STXBP5L: variants seen among roughly 807,000 people sequenced by gnomAD.
STXBP5L encodes syntaxin binding protein 5L, also known as syntaxin-binding protein 5-like.
In STXBP5L, 65 loss-of-function variants were observed where a neutral mutation model predicts 144.5. The ratio of observed to expected loss-of-function variants is 0.45; its 90% confidence interval spans 0.37 to 0.55. STXBP5L has a LOEUF of 0.55. Among genes scored for constraint, STXBP5L ranks in the 20% least tolerant of loss-of-function variants. The pLI, the probability that STXBP5L is intolerant of heterozygous loss-of-function variation, is 0.00. For synonymous variants in STXBP5L, 505 were observed against 469.6 expected (o/e 1.08, Z -0.97); for missense variants, 1,298 against 1,405.5 (o/e 0.92, Z 1.22).
intron 3 of STXBP5L, among the ~76,000 whole-genome samples, chr3:120,995,445 G>T (rs759946021): frequency 6.6e-6 from 1 of 152,078 alleles, no homozygotes; most frequent in Non-Finnish European, 1.5e-5. Flanking sequence ...ACCACACCTG[G>T]CTGTTTCCTG....
At chr3:121,050,142 G>T (rs1244248283) in intron 5 of STXBP5L, among the ~76,000 whole-genome samples, 2 of 152,098 alleles carry the variant, frequency 1.3e-5, no homozygotes, top group Non-Finnish European at 2.9e-5. Flanking sequence ...GGATGTTCTG[G>T]TTGAAGAGCT....
intron 20 of STXBP5L, among the ~76,000 whole-genome samples, chr3:121,319,886 G>A (rs910083056): frequency 1.3e-5 from 2 of 152,134 alleles, no homozygotes; most frequent in Admixed American, 6.5e-5. Context: ...GGAGGCCAAG[G>A]GGGGAGGATC....
At chr3:121,053,851 C>T (rs1465903977) in intron 5 of STXBP5L, among the ~76,000 whole-genome samples, 1 of 151,750 alleles carries the variant, frequency 6.6e-6, no homozygotes, top group Admixed American at 6.6e-5. Context: ...TGACAAAGGG[C>T]TAATATCCAG....
intron 20 of STXBP5L, among the ~76,000 whole-genome samples, chr3:121,355,111 C>T (rs1242671556): frequency 6.6e-6 from 1 of 152,208 alleles, no homozygotes; most frequent in East Asian, 1.9e-4. Context: ...TCTCTGGCTG[C>T]CCTTAACATT....
At chr3:121,372,543 T>G (rs979643750) in intron 20 of STXBP5L, among the ~76,000 whole-genome samples, 2 of 152,170 alleles carry the variant, frequency 1.3e-5, no homozygotes, top group Admixed American at 1.3e-4. Flanking sequence ...CGATAGCAGG[T>G]TCCTTCTTGA....
chr3:121,248,467 T>G (rs185933509), intron 14 of STXBP5L, among the ~76,000 whole-genome samples: 15 of 152,352 alleles, frequency 9.8e-5, no homozygotes, highest in African/African-American at 3.4e-4. Flanking sequence ...TCATGTCTTT[T>G]GCCCACTTTT....
At chr3:121,373,580 A>T (rs2046095230) in intron 20 of STXBP5L, among the ~76,000 whole-genome samples, 1 of 152,154 alleles carries the variant, frequency 6.6e-6, no homozygotes. Context: ...CAGTGGTATA[A>T]CTGCATTTCT....
At chr3:121,048,754 T>C (rs180693342) in intron 5 of STXBP5L, among the ~76,000 whole-genome samples, 2 of 151,854 alleles carry the variant, frequency 1.3e-5, no homozygotes, top group Admixed American at 1.3e-4. Flanking sequence ...GGCACAATCT[T>C]GGCTCACTGC....
intron 2 of STXBP5L, among the ~76,000 whole-genome samples, chr3:120,947,594 G>A (rs898812950): frequency 5.9e-5 from 9 of 151,722 alleles, no homozygotes; most frequent in Non-Finnish European, 1.2e-4. Flanking sequence ...AGAAAGGCAC[G>A]TTGTATTCAT....
At chr3:121,000,934 A>T (rs1249917203) in intron 3 of STXBP5L, among the ~76,000 whole-genome samples, 1 of 152,174 alleles carries the variant, frequency 6.6e-6, no homozygotes, top group Non-Finnish European at 1.5e-5. Flanking sequence ...GGTTGCTGGG[A>T]TCAAGCCTAT....
intron 3 of STXBP5L, among the ~76,000 whole-genome samples, chr3:121,007,066 C>T (rs1393632148): frequency 3.9e-5 from 6 of 152,024 alleles, no homozygotes; most frequent in African/African-American, 1.4e-4. Flanking sequence ...TTGTGGCGTT[C>T]TCTGTATTTC....
intron 20 of STXBP5L, among the ~76,000 whole-genome samples, chr3:121,356,385 G>C (rs1343285357): frequency 3.3e-5 from 5 of 152,328 alleles, no homozygotes; most frequent in Admixed American, 3.3e-4. Flanking sequence ...ACCTACTGAA[G>C]CCTCAGCAAT....
Position 121,240,333 on chromosome 3 carries a change from T to C in STXBP5L, c.1333-107T>C, listed in dbSNP as rs1325907343. 5.9e-6 allele frequency: 6 copies of C among 1,015,322 alleles called. No individual in the cohort carries two copies. In the African/African-American group the frequency reaches 9.7e-5, roughly 16 times the overall value. The allele number at this position is 1,015,322 out of a possible 1,614,324, so 62.9% of individuals were successfully genotyped here. A position where few individuals can be genotyped will look rare whatever the true frequency, so the allele number is the denominator to read the frequency against. On this transcript the variant is annotated intron_variant, in intron 13 of 26. Transcript: ENST00000471454. ...CACTTCATTCTTGATGATTTTACAC[T>C]TATTTTTCTTTAAGTGAGCTTTTTA...
chr3:121,350,268 A>G (rs1560007020), intron 20 of STXBP5L, among the ~76,000 whole-genome samples: 1 of 152,242 alleles, frequency 6.6e-6, no homozygotes, highest in Middle Eastern at 3.4e-3. Context: ...CTTTCCTTTA[A>G]GAATGTTGAA....
intron 3 of STXBP5L, 26 bp downstream of exon 3, chr3:120,955,063 C>G (rs750432319): frequency 6.3e-5 from 94 of 1,495,306 alleles, no homozygotes; most frequent in Non-Finnish European, 8.5e-5. Context: ...GGTTCATTAT[C>G]TGCCACAGTA....
At chr3:121,003,740 G>A (rs1164128217) in intron 3 of STXBP5L, among the ~76,000 whole-genome samples, 3 of 152,162 alleles carry the variant, frequency 2.0e-5, no homozygotes, top group African/African-American at 7.2e-5. Flanking sequence ...TAAGGTGTAA[G>A]GAAGGGATCC....
chr3:121,009,729 A>G (rs2108122021), intron 3 of STXBP5L, among the ~76,000 whole-genome samples: 1 of 152,062 alleles, frequency 6.6e-6, no homozygotes, highest in East Asian at 1.9e-4. Context: ...TTCTGAATGT[A>G]CCACTTCTAT....
At chr3:121,328,847 G>GA (rs548467742) in intron 20 of STXBP5L, among the ~76,000 whole-genome samples, 7 of 151,952 alleles carry the variant, frequency 4.6e-5, no homozygotes, top group East Asian at 3.9e-4. Context: ...TGTACAAAGG[G>GA]AAAAAAATGC....
At chr3:121,392,510 A>G (rs1218954257) in intron 22 of STXBP5L, among the ~76,000 whole-genome samples, 1 of 152,066 alleles carries the variant, frequency 6.6e-6, no homozygotes, top group Non-Finnish European at 1.5e-5. Context: ...TGCAGACCAG[A>G]GCTGTTCCTA....
Sources: allele counts gnomAD v4.1 joint callset (sites outside exome capture counted in the v4.1 genomes callset), GRCh38; gene constraint gnomAD v4.1.1; transcripts MANE v1.5; gene names NCBI Gene and HGNC (gene_info 2026-07-23, HGNC 2026-07-21).